The following CERS1 variants were observed in gnomAD, a reference collection of about 807,000 sequenced individuals.
CERS1 encodes the protein Embryonic growth/differentiation factor 1.
CERS1 carries 16 observed loss-of-function variants against 35.7 expected under a neutral mutation model. That is an observed-to-expected ratio of 0.45 (90% CI 0.30 to 0.68). CERS1 has a LOEUF of 0.68. Ranked by LOEUF, CERS1 falls within the 30% of genes least tolerant of loss-of-function variation. CERS1 has a pLI of 0.08. For synonymous variants in CERS1, 243 were observed against 201.6 expected (o/e 1.21, Z -1.74); for missense variants, 454 against 453.9 (o/e 1.00, Z 0.00).
At position 18,869,257 on chromosome 19, in the gene CERS1, C is replaced by CGCCGCG; in HGVS notation, c.*722_*727dup. On this transcript the variant is annotated 3_prime_UTR_variant, in exon 8 of 8. Coordinates refer to ENST00000623882, the MANE Select transcript of CERS1 (RefSeq NM_021267.5). ...CGCCCTCCGGGGCTGCCGCCGCCGC[C>CGCCGCG]GCCGCGAAACGCAGCTCCAGGCGGG... 6.9e-7 allele frequency: 1 copy of CGCCGCG among 1,451,554 alleles called. No individual in the cohort carries two copies. The highest frequency in any genetic ancestry group is 3.0e-5 in the East Asian group (1 of 33,710). 89.9% of individuals were successfully genotyped at this position (1,451,554 alleles called of 1,614,324 possible). A position where few individuals can be genotyped will look rare whatever the true frequency, so the allele number is the denominator to read the frequency against.
In CERS1 at chr19:18,884,105, A is replaced by G. The variant is rs749102523; in HGVS notation, c.572T>C (p.Val191Ala). 19 of 1,612,528 alleles carry G rather than the reference A, an allele frequency of 1.2e-5. No homozygotes were observed. The highest frequency in any genetic ancestry group is 3.3e-4 in the Middle Eastern group (2 of 6,054). The change falls in exon 3 of 8, where the codon GTC (valine) becomes GCC (alanine). Residue 191 changes from valine to alanine, a missense_variant. Coordinates refer to ENST00000623882, the MANE Select transcript of CERS1 (RefSeq NM_021267.5). ...TCCTTACCGGAAGGCGTAGGAGGAG[A>G]CGATGAGGATGAGAGTGACCACGTG... ...LHHVVTLILI[V>A]SSYAFRYHNV...
chr19:18,895,892 GC>G lies in CERS1; in HGVS notation c.180del (p.Leu61CysfsTer234). The G allele has an allele frequency of 7.9e-7, 1 of 1,268,170 alleles. No homozygotes were observed. Among genetic ancestry groups the G allele is most frequent in the Non-Finnish European group, 9.9e-7 (1 of 1,007,572 alleles). The allele number at this position is 1,268,170 out of a possible 1,614,324, so 78.6% of individuals were successfully genotyped here. ...AEHAHLAPPE[L>X]LLLALGALGW... ...CCCAGCGCGCCGAGCGCCAGCAGCA[GC>G]AGCTCGGGCGGCGCCAGGTGCGCGT... On this transcript the variant is annotated frameshift_variant, in exon 1 of 8. Transcript: ENST00000623882. LOFTEE classifies it high-confidence loss of function. This position sits in a 1 kb window ranked among gnomAD's most constrained non-coding sequence, Gnocchi z 6.4.
intron 3 of CERS1, among the ~76,000 whole-genome samples, chr19:18,882,851 C>T (rs1383528351): frequency 6.6e-6 from 1 of 151,842 alleles, no homozygotes; most frequent in African/African-American, 2.4e-5. Flanking sequence ...CACCACCACG[C>T]CCAGCTAATT....
chr19:18,883,980 C>T, intron 3 of CERS1, 107 bp downstream of exon 3: 1 of 1,245,428 alleles, frequency 8.0e-7, no homozygotes, highest in Admixed American at 2.3e-5. Context: ...AGCACTCCGA[C>T]CTGATGTGAT....
At chr19:18,871,228 T>TTA (rs1475949826) in intron 6 of CERS1, among the ~76,000 whole-genome samples, 1 of 148,468 alleles carries the variant, frequency 6.7e-6, no homozygotes, top group African/African-American at 2.5e-5. Context: ...CAGCAATTTT[T>TTA]TTTTTTTTTT....
chr19:18,878,687 ACCCTGCCTGTCG>A lies in CERS1; in HGVS notation c.1010+231_1010+242del. On this transcript the variant is annotated intron_variant, in intron 6 of 7. Transcript: ENST00000623882. The surrounding 1 kb of genome is among the most constrained non-coding windows in gnomAD (Gnocchi z 4.6). ...GGCCCTCAGTGTCCCTACCGCTGAG[ACCCTGCCTGTCG>A]CCCTGCCTGCCCCTCCCCAGCCTCT... is the stretch of plus-strand genomic sequence containing the variant. 5 of 1,346,682 alleles carry A rather than the reference ACCCTGCCTGTCG, an allele frequency of 3.7e-6. No individual in the cohort carries two copies. The highest frequency in any genetic ancestry group is 1.5e-5 in the African/African-American group (1 of 66,890). 83.4% of individuals were successfully genotyped at this position (1,346,682 alleles called of 1,614,324 possible).
intron 2 of CERS1, among the ~76,000 whole-genome samples, chr19:18,892,386 G>A (rs568200427): frequency 1.2e-3 from 180 of 151,910 alleles, no homozygotes; most frequent in African/African-American, 4.1e-3. Context: ...AGGCTGAGGC[G>A]GGCAGATCAT....
Position 18,870,741 on chromosome 19 carries a change from C to T in CERS1, c.1011-122G>A. 2.2e-6 allele frequency: 1 copy of T among 450,516 alleles called. No homozygotes were observed. The highest frequency in any genetic ancestry group is 6.2e-5 in the South Asian group (1 of 16,104). The allele number at this position is 450,516 out of a possible 1,614,324, so 27.9% of individuals were successfully genotyped here. On this transcript the variant is annotated intron_variant, in intron 6 of 7. Coordinates refer to ENST00000623882, the MANE Select transcript of CERS1 (RefSeq NM_021267.5). This position sits in a 1 kb window ranked among gnomAD's most constrained non-coding sequence, Gnocchi z 5.1. ...TCCTTTTACCCGGCCAGGCCCGGGC[C>T]TCGCCTTGTGGCTTCCTCCTCGCCT...
In CERS1 at chr19:18,877,342, A is replaced by G. The variant is rs921717563; in HGVS notation, c.1010+1588T>C. Among the ~76,000 whole-genome samples the G allele has an allele frequency of 3.9e-5, 6 of 152,130 alleles. 1 individual carries two copies. The highest frequency in any genetic ancestry group is 1.4e-4 in the African/African-American group (6 of 41,424). ...CCGAGGATGTCCCCACCATGAGCTC[A>G]CTGTTCTACAGCAAGAGGACCTTCC... On this transcript the variant is annotated intron_variant, in intron 6 of 7. Coordinates refer to ENST00000623882, the MANE Select transcript of CERS1 (RefSeq NM_021267.5).
At chr19:18,894,866 T>C (rs1421315003) in intron 1 of CERS1, among the ~76,000 whole-genome samples, 1 of 152,076 alleles carries the variant, frequency 6.6e-6, no homozygotes, top group Non-Finnish European at 1.5e-5. Context: ...GCTGGGCACA[T>C]TGTCCCTGCA....
Position 18,878,118 on chromosome 19 carries a change from G to A in CERS1, c.1010+812C>T, listed in dbSNP as rs913179458. 2.0e-5 allele frequency: 20 copies of A among 985,348 alleles called. No homozygotes were observed. Among genetic ancestry groups the A allele is most frequent in the African/African-American group, 5.2e-5 (3 of 57,178 alleles). 61.0% of individuals were successfully genotyped at this position (985,348 alleles called of 1,614,324 possible). A position where few individuals can be genotyped will look rare whatever the true frequency, so the allele number is the denominator to read the frequency against. ...GCTTCCCTGAAACCATCGTTCCCAC[G>A]TCACCGATGGCCCCCACCGGCCAAA... is the stretch of plus-strand genomic sequence containing the variant. On this transcript the variant is annotated intron_variant, in intron 6 of 7. Coordinates refer to ENST00000623882, the MANE Select transcript of CERS1 (RefSeq NM_021267.5). The surrounding 1 kb of genome is among the most constrained non-coding windows in gnomAD (Gnocchi z 4.6).
Position 18,870,297 on chromosome 19 carries a change from G to A in CERS1, c.*280C>T. On this transcript the variant is annotated 3_prime_UTR_variant, in exon 7 of 8. Transcript: ENST00000623882. This position sits in a 1 kb window ranked among gnomAD's most constrained non-coding sequence, Gnocchi z 5.1. ...GTGGTGGCCGCAGGGACCTTGCTGC[G>A]GCGGTGGCATCTTCCTCCCAGGCGA... 3 of 1,546,182 alleles carry A rather than the reference G, an allele frequency of 1.9e-6. No homozygotes were observed. The highest frequency in any genetic ancestry group is 2.6e-6 in the Non-Finnish European group (3 of 1,146,784).
rs1327749478 is a variant in CERS1, at chr19:18,869,884, G to T, written c.*594+99C>A. The T allele has an allele frequency of 5.0e-6, 6 of 1,203,150 alleles. No homozygotes were observed. The East Asian group carries it at 7.6e-5, about 15-fold the overall frequency. 74.5% of individuals were successfully genotyped at this position (1,203,150 alleles called of 1,614,324 possible). ...TAGTAGCCTGGACAGGGCGGGTGGG[G>T]ACCCTCGGAGCTGCTCGGGCATCCC... On this transcript the variant is annotated intron_variant, in intron 7 of 7. Transcript: ENST00000623882.
At chr19:18,880,005 C>T (rs1369643508) in intron 4 of CERS1, among the ~76,000 whole-genome samples, 1 of 151,738 alleles carries the variant, frequency 6.6e-6, no homozygotes, top group Non-Finnish European at 1.5e-5. Flanking sequence ...CCAGGCCCCT[C>T]CCCTTCCTGG....
At chr19:18,869,476 A>C in intron 7 of CERS1, 86 bp from the exon 8 acceptor site, 1 of 1,421,274 alleles carries the variant, frequency 7.0e-7, no homozygotes, top group Non-Finnish European at 9.2e-7. Flanking sequence ...AGGAAGGTGA[A>C]CGCTGGGGCT....
intron 6 of CERS1, among the ~76,000 whole-genome samples, chr19:18,876,737 G>A (rs2056067168): frequency 6.6e-6 from 1 of 152,186 alleles, no homozygotes; most frequent in African/African-American, 2.4e-5. Context: ...TACAAAGGGA[G>A]TAGAGGGAGC....
intron 3 of CERS1, among the ~76,000 whole-genome samples, chr19:18,883,599 T>C (rs1444941618): frequency 6.6e-6 from 1 of 152,192 alleles, no homozygotes; most frequent in African/African-American, 2.4e-5. Flanking sequence ...ATGTGAAGGC[T>C]TTGAAGCCGG....
intron 4 of CERS1, among the ~76,000 whole-genome samples, chr19:18,879,701 C>T (rs557065111): frequency 6.9e-6 from 1 of 144,600 alleles, no homozygotes; most frequent in African/African-American, 2.6e-5. Context: ...CCAAACCCCA[C>T]CTCCTTCCCT....
At position 18,895,812 on chromosome 19, in the gene CERS1, G is replaced by A; in HGVS notation, c.249+12C>T. On this transcript the variant is annotated intron_variant, in intron 1 of 7. Transcript: ENST00000623882. The surrounding 1 kb of genome is among the most constrained non-coding windows in gnomAD (Gnocchi z 6.4). The stretch of plus-strand genomic sequence containing the variant: ...CCGGGGTCCCCTCGTCCCGGCCCCC[G>A]GCCACACTGACCCGAAAGAGGCGCG... 2 of 1,248,604 alleles carry A rather than the reference G, an allele frequency of 1.6e-6. No individual in the cohort carries two copies. Among genetic ancestry groups the A allele is most frequent in the Admixed American group, 4.4e-5 (1 of 22,620 alleles). The allele number at this position is 1,248,604 out of a possible 1,614,324, so 77.3% of individuals were successfully genotyped here. A position where few individuals can be genotyped will look rare whatever the true frequency, so the allele number is the denominator to read the frequency against.
Sources: allele counts gnomAD v4.1 joint callset (sites outside exome capture counted in the v4.1 genomes callset), GRCh38; gene constraint gnomAD v4.1.1; non-coding constraint Gnocchi (gnomAD v3.1); transcripts MANE v1.5; gene names NCBI Gene and HGNC (gene_info 2026-07-23, HGNC 2026-07-21).